Variants in NHEJ1 observed in about 807,000 individuals in gnomAD.
The protein encoded by NHEJ1 is non-homologous end joining factor 1, also known as non-homologous end-joining factor 1.
NHEJ1 carries 22 observed loss-of-function variants against 39.4 expected under a neutral mutation model. The observed-to-expected ratio is 0.56, with a 90% CI of 0.40 to 0.80. NHEJ1 has a LOEUF of 0.80. Ranked by LOEUF, NHEJ1 falls within the 30% of genes least tolerant of loss-of-function variation. The pLI is 0.00. For synonymous variants in NHEJ1, 154 were observed against 135.6 expected (o/e 1.14, Z -0.94); for missense variants, 329 against 357.1 (o/e 0.92, Z 0.63).
intron 5 of NHEJ1, among the ~76,000 whole-genome samples, chr2:219,094,853 G>A (rs985555683): frequency 6.6e-6 from 1 of 152,116 alleles, no homozygotes; most frequent in Non-Finnish European, 1.5e-5. Flanking sequence ...TCCAGGTGAG[G>A]GGATGAAGGA....
intron 5 of NHEJ1, among the ~76,000 whole-genome samples, chr2:219,099,393 A>G (rs1949235894): frequency 6.6e-6 from 1 of 151,718 alleles, no homozygotes. Context: ...TGTGGGCAAA[A>G]CCTCCCCTTG....
intron 5 of NHEJ1, among the ~76,000 whole-genome samples, chr2:219,144,622 T>C (rs940796534): frequency 5.9e-5 from 9 of 151,802 alleles, no homozygotes; most frequent in Admixed American, 2.6e-4. Flanking sequence ...TGAAACAGCA[T>C]TGGGGCAAAT....
chr2:219,089,495 A>C (rs1410043134), intron 5 of NHEJ1, among the ~76,000 whole-genome samples: 1 of 152,246 alleles, frequency 6.6e-6, no homozygotes, highest in East Asian at 1.9e-4. Context: ...GAAAGACCAC[A>C]TACTGTATGA....
At chr2:219,086,297 C>CT (rs1949111397) in intron 5 of NHEJ1, among the ~76,000 whole-genome samples, 2 of 152,146 alleles carry the variant, frequency 1.3e-5, no homozygotes, top group African/African-American at 4.8e-5. Flanking sequence ...AGTAACTTGA[C>CT]TAAGGTCACA....
intron 5 of NHEJ1, among the ~76,000 whole-genome samples, chr2:219,114,274 C>T (rs1949390998): frequency 6.6e-6 from 1 of 152,208 alleles, no homozygotes. Context: ...AGGCTGCCTA[C>T]ATTCAACTCG....
At chr2:219,120,636 G>A (rs1430136112) in intron 5 of NHEJ1, among the ~76,000 whole-genome samples, 5 of 152,214 alleles carry the variant, frequency 3.3e-5, no homozygotes, top group East Asian at 1.9e-4. Context: ...ATGAAGAAGA[G>A]GCGATATTTA....
At chr2:219,077,442 T>C in intron 6 of NHEJ1, 78 bp from the exon 7 acceptor site, 1 of 1,133,084 alleles carries the variant, frequency 8.8e-7, no homozygotes, top group Non-Finnish European at 1.3e-6. Flanking sequence ...TCACCAAGCA[T>C]TCTGATAAAG....
At chr2:219,104,378 G>T (rs1190776491) in intron 5 of NHEJ1, among the ~76,000 whole-genome samples, 3 of 152,232 alleles carry the variant, frequency 2.0e-5, no homozygotes, top group Non-Finnish European at 2.9e-5. Context: ...AGAACTGACA[G>T]AATTAGGGTA....
Position 219,159,547 on chromosome 2 carries a change from ATATGCATATATATATGCATATATATATG to A in NHEJ1, c.-1+1145_-1+1172del, listed in dbSNP as rs1318007394. ...TATGCATATATATATGCATATATAT[ATATGCATATATATATGCATATATATATG>A]CATATATATATGCATATATATATAT... On this transcript the variant is annotated intron_variant, in intron 1 of 7. Transcript: ENST00000356853. 1.2e-4 allele frequency among the ~76,000 whole-genome samples: 2 copies of A among 16,592 alleles called. 1 individual carries two copies. The highest frequency in any genetic ancestry group is 4.0e-3 in the East Asian group (2 of 502). 10.9% of individuals were successfully genotyped at this position (16,592 alleles called of 152,430 possible). A position where few individuals can be genotyped will look rare whatever the true frequency, so the allele number is the denominator to read the frequency against.
intron 5 of NHEJ1, among the ~76,000 whole-genome samples, chr2:219,080,307 C>T (rs1170192658): frequency 2.0e-5 from 3 of 151,994 alleles, no homozygotes; most frequent in Admixed American, 6.6e-5. Context: ...GAGGCCGAGG[C>T]GGGCGGATCA....
chr2:219,125,194 G>C (rs1190781321), intron 5 of NHEJ1, among the ~76,000 whole-genome samples: 2 of 151,388 alleles, frequency 1.3e-5, no homozygotes, highest in African/African-American at 4.9e-5. Context: ...AGATAGTGCA[G>C]AGTAAGGGGG....
intron 5 of NHEJ1, among the ~76,000 whole-genome samples, chr2:219,141,743 A>G (rs954505291): frequency 2.0e-5 from 3 of 152,130 alleles, no homozygotes; most frequent in African/African-American, 7.2e-5. Context: ...TCAGCGATGT[A>G]CCAACAATAG....
At chr2:219,092,146 C>T (rs759475367) in intron 5 of NHEJ1, among the ~76,000 whole-genome samples, 20 of 152,156 alleles carry the variant, frequency 1.3e-4, no homozygotes, top group Non-Finnish European at 2.8e-4. Context: ...GAAAACTTAG[C>T]CAGGTGTAGT....
intron 5 of NHEJ1, among the ~76,000 whole-genome samples, chr2:219,139,857 T>G (rs1949673258): frequency 6.6e-6 from 1 of 152,198 alleles, no homozygotes; most frequent in African/African-American, 2.4e-5. Flanking sequence ...TTTTTTGTAT[T>G]TTTATTAGAG....
chr2:219,101,088 G>A (rs1159648111), intron 5 of NHEJ1, among the ~76,000 whole-genome samples: 1 of 152,088 alleles, frequency 6.6e-6, no homozygotes, highest in Non-Finnish European at 1.5e-5. Context: ...GGGTAACAGT[G>A]TATCATGGCT....
chr2:219,095,094 AG>A (rs1337553205), intron 5 of NHEJ1, among the ~76,000 whole-genome samples: 1 of 152,156 alleles, frequency 6.6e-6, no homozygotes, highest in Non-Finnish European at 1.5e-5. Flanking sequence ...AGACTGACCA[AG>A]GTATGTGGAA....
At chr2:219,144,239 A>G (rs887769273) in intron 5 of NHEJ1, among the ~76,000 whole-genome samples, 1 of 152,162 alleles carries the variant, frequency 6.6e-6, no homozygotes, top group Non-Finnish European at 1.5e-5. Flanking sequence ...CCCCTAGCAT[A>G]GACTTATCAA....
chr2:219,155,020 T>C (rs1048663262), intron 3 of NHEJ1, among the ~76,000 whole-genome samples: 8 of 149,612 alleles, frequency 5.3e-5, no homozygotes, highest in African/African-American at 2.0e-4. Flanking sequence ...TATATAATTG[T>C]AATATCATTA....
chr2:219,084,887 C>T (rs180776297), intron 5 of NHEJ1, among the ~76,000 whole-genome samples: 160 of 152,340 alleles, frequency 1.1e-3, no homozygotes, highest in African/African-American at 3.5e-3. Context: ...CTGCTACTCT[C>T]TCCAGAAGCA....
Sources: allele counts gnomAD v4.1 joint callset (sites outside exome capture counted in the v4.1 genomes callset), GRCh38; gene constraint gnomAD v4.1.1; transcripts MANE v1.5; gene names NCBI Gene and HGNC (gene_info 2026-07-23, HGNC 2026-07-21).